The following CLCN5 variants were observed in gnomAD, a reference collection of about 807,000 sequenced individuals.
The protein encoded by CLCN5 is Cl-/H+ antiporter 5.
A neutral mutation model predicts 54.0 loss-of-function variants in CLCN5; 17 were observed. The ratio of observed to expected loss-of-function variants is 0.31; its 90% confidence interval spans 0.22 to 0.47. The LOEUF (loss-of-function observed/expected upper bound fraction) is 0.47. CLCN5 is among the 20% of genes least tolerant of loss of function. The pLI is 1.00. For synonymous variants in CLCN5, 222 were observed against 233.0 expected, an observed-to-expected ratio of 0.95 and a Z score of 0.43; for missense variants, 448 against 646.7, an observed-to-expected ratio of 0.69 and a Z score of 3.33.
Position 49,925,216 on chromosome X carries a change from C to A in CLCN5, c.-83C>A. The A allele has an allele frequency of 9.5e-7, 1 of 1,052,789 alleles. No homozygotes were observed. The highest frequency in any genetic ancestry group is 1.3e-6 in the Non-Finnish European group (1 of 750,996). The allele number at this position is 1,052,789 out of a possible 1,213,427, so 86.8% of individuals were successfully genotyped here. ...GGAGAAAACAGGGCCACATAGCTGC[C>A]TTTCTATCAAGTCTCCCTACAAAAC... On this transcript the variant is annotated 5_prime_UTR_variant, in exon 3 of 15. Coordinates refer to ENST00000376091, the MANE Select transcript of CLCN5 (RefSeq NM_001127898.4).
At chrX:49,937,803 C>G (rs1324600077) in intron 3 of CLCN5, among the ~76,000 whole-genome samples, 1 of 111,730 alleles carries the variant, frequency 9.0e-6, no homozygotes, top group East Asian at 2.8e-4. Context: ...CAAGTGAATG[C>G]TAAGCTACAA....
intron 4 of CLCN5, chrX:50,068,057 A>G (rs1270810864): frequency 8.9e-6 from 1 of 112,140 alleles, no homozygotes; most frequent in Non-Finnish European, 1.9e-5. Flanking sequence ...TTAGATAGCT[A>G]TCAGATGATT....
At chrX:50,023,050 T>C (rs1271641396) in intron 3 of CLCN5, among the ~76,000 whole-genome samples, 1 of 93,853 alleles carries the variant, frequency 1.1e-5, no homozygotes, top group East Asian at 3.1e-4. Context: ...TTCTGTTTCG[T>C]TGATCTGTCT....
intron 2 of CLCN5, chrX:49,923,683 C>T (rs1557167558): frequency 8.9e-6 from 1 of 112,297 alleles, no homozygotes; most frequent in East Asian, 2.8e-4. Flanking sequence ...AACAGACTGT[C>T]CCAGGTCTCA....
At chrX:50,029,714 T>A (rs782308068) in intron 3 of CLCN5, among the ~76,000 whole-genome samples, 1 of 111,531 alleles carries the variant, frequency 9.0e-6, no homozygotes, top group Non-Finnish European at 1.9e-5. Context: ...AGAATGGCAA[T>A]CATTAAAAAG....
intron 4 of CLCN5, among the ~76,000 whole-genome samples, chrX:50,055,811 A>G (rs1557188863): frequency 9.0e-6 from 1 of 111,564 alleles, no homozygotes; most frequent in Non-Finnish European, 1.9e-5. Flanking sequence ...ACATTTAAAA[A>G]AAGACATATT....
chrX:49,994,680 A>G (rs782294716), intron 3 of CLCN5, among the ~76,000 whole-genome samples: 1 of 112,091 alleles, frequency 8.9e-6, no homozygotes, highest in East Asian at 2.8e-4. Context: ...CTCTATTCCA[A>G]GAGGATAGAT....
At chrX:49,933,157 C>T (rs1160303946) in intron 3 of CLCN5, among the ~76,000 whole-genome samples, 7 of 111,458 alleles carry the variant, frequency 6.3e-5, no homozygotes, top group Admixed American at 3.8e-4. Flanking sequence ...GCCTCCACCC[C>T]CAGCCCCTTT....
chrX:50,034,453 G>A (rs1450870533), intron 3 of CLCN5, among the ~76,000 whole-genome samples: 6 of 111,272 alleles, frequency 5.4e-5, no homozygotes, highest in Non-Finnish European at 7.5e-5. Flanking sequence ...TGCAGTATCC[G>A]GCATATATTA....
At chrX:49,956,695 C>T in intron 3 of CLCN5, among the ~76,000 whole-genome samples, 1 of 111,790 alleles carries the variant, frequency 8.9e-6, no homozygotes, top group Non-Finnish European at 1.9e-5. Flanking sequence ...TGATGTGTTA[C>T]CTACAACAAG....
rs1309277363 is a variant in CLCN5 at position 50,097,019 on chromosome X, A to G, written c.*4800A>G. 8.9e-6 allele frequency: 1 copy of G among 112,186 alleles called. No homozygotes were observed. Among genetic ancestry groups the G allele is most frequent in the Non-Finnish European group, 1.9e-5 (1 of 53,298 alleles). 9.2% of individuals were successfully genotyped at this position (112,186 alleles called of 1,213,427 possible). ...TTTGATAGCAAATTTTTTTAAATTT[A>G]TATTTCTGCCTCCTCGTACATCCTT... On this transcript the variant is annotated 3_prime_UTR_variant, in exon 15 of 15. Coordinates refer to ENST00000376091, the MANE Select transcript of CLCN5 (RefSeq NM_001127898.4).
chrX:50,068,936 T>G (rs1344501385), intron 4 of CLCN5, among the ~76,000 whole-genome samples: 3 of 112,276 alleles, frequency 2.7e-5, no homozygotes, highest in Middle Eastern at 4.2e-3. Context: ...ATGATGTTGC[T>G]GAAATATTTT....
At chrX:50,036,742 C>T (rs1486483092) in intron 3 of CLCN5, among the ~76,000 whole-genome samples, 1 of 111,647 alleles carries the variant, frequency 9.0e-6, no homozygotes, top group Non-Finnish European at 1.9e-5. Flanking sequence ...ACATAACCAG[C>T]GAGGGGAGAG....
At chrX:49,984,928 T>G (rs1021140546) in intron 3 of CLCN5, among the ~76,000 whole-genome samples, 4 of 110,693 alleles carry the variant, frequency 3.6e-5, no homozygotes, top group Admixed American at 9.6e-5. Context: ...TATTGCTTAT[T>G]TCTTTGGTAT....
chrX:50,059,867 T>G (rs1932822635), intron 4 of CLCN5, among the ~76,000 whole-genome samples: 1 of 108,151 alleles, frequency 9.2e-6, no homozygotes, highest in African/African-American at 3.4e-5. Context: ...ATGCAATCCA[T>G]AGGAACTATA....
chrX:50,011,935 C>T (rs1438486720), intron 3 of CLCN5, among the ~76,000 whole-genome samples: 7 of 111,330 alleles, frequency 6.3e-5, no homozygotes, highest in African/African-American at 9.8e-5. Context: ...AAGCATTCCA[C>T]GGCTGAGCCT....
At chrX:50,078,125 G>A (rs1033441980) in intron 7 of CLCN5, among the ~76,000 whole-genome samples, 1 of 110,138 alleles carries the variant, frequency 9.1e-6, no homozygotes, top group African/African-American at 3.3e-5. Flanking sequence ...AGGATCCCTC[G>A]GGGCCAGGAG....
At chrX:49,944,633 A>G (rs1372554294) in intron 3 of CLCN5, among the ~76,000 whole-genome samples, 5 of 110,997 alleles carry the variant, frequency 4.5e-5, no homozygotes, top group Non-Finnish European at 7.6e-5. Context: ...AATTTTGTCA[A>G]AGGCCTTTTC....
At chrX:50,044,306 A>T (rs1463199984) in intron 4 of CLCN5, among the ~76,000 whole-genome samples, 1 of 111,890 alleles carries the variant, frequency 8.9e-6, no homozygotes, top group Non-Finnish European at 1.9e-5. Flanking sequence ...GAAGGACTGG[A>T]GATTTCATAG....
Sources: allele counts gnomAD v4.1 joint callset (sites outside exome capture counted in the v4.1 genomes callset), GRCh38; gene constraint gnomAD v4.1.1; transcripts MANE v1.5; gene names NCBI Gene and HGNC (gene_info 2026-07-23, HGNC 2026-07-21).